The following CCDC149 variants were observed in gnomAD, a reference collection of about 807,000 sequenced individuals.
The protein encoded by CCDC149 is coiled-coil domain containing 149.
Under a neutral mutation model 59.9 loss-of-function variants are expected in CCDC149, and 45 were observed. That is an observed-to-expected ratio of 0.75 (90% CI 0.59 to 0.96). The LOEUF is 0.96. Among genes scored for constraint, CCDC149 ranks in the 40% least tolerant of loss-of-function variants. The pLI, the probability that CCDC149 is intolerant of heterozygous loss-of-function variation, is 0.00. For synonymous variants in CCDC149, 245 were observed against 260.6 expected, an observed-to-expected ratio of 0.94 and a Z score of 0.58; for missense variants, 584 against 664.7, an observed-to-expected ratio of 0.88 and a Z score of 1.33.
intron 1 of CCDC149, among the ~76,000 whole-genome samples, chr4:24,952,700 T>C (rs1407272363): frequency 7.0e-6 from 1 of 142,488 alleles, no homozygotes; most frequent in Non-Finnish European, 1.5e-5. Context: ...ATTTACCCTC[T>C]TAACCATTTT....
intron 3 of CCDC149, among the ~76,000 whole-genome samples, chr4:24,869,963 G>T (rs1718936894): frequency 6.6e-6 from 1 of 152,170 alleles, no homozygotes; most frequent in Non-Finnish European, 1.5e-5. Context: ...GTCCTACACT[G>T]GCCCAGCCAG....
intron 1 of CCDC149, among the ~76,000 whole-genome samples, chr4:24,963,521 C>A (rs1577509489): frequency 6.6e-6 from 1 of 152,144 alleles, no homozygotes; most frequent in East Asian, 1.9e-4. Context: ...TGGTGCAAAG[C>A]AAGGTAGTTG....
At chr4:24,836,907 C>T (rs1295262282) in intron 6 of CCDC149, among the ~76,000 whole-genome samples, 2 of 152,138 alleles carry the variant, frequency 1.3e-5, no homozygotes, top group African/African-American at 4.8e-5. Flanking sequence ...GGGAATTTCT[C>T]AATTCATTTT....
intron 9 of CCDC149, among the ~76,000 whole-genome samples, chr4:24,826,275 A>G (rs1479100222): frequency 1.3e-5 from 2 of 152,186 alleles, no homozygotes; most frequent in African/African-American, 4.8e-5. Context: ...AAGGGTTTTA[A>G]GCAAGGAAGC....
intron 1 of CCDC149, among the ~76,000 whole-genome samples, chr4:24,943,411 C>T (rs1208681633): frequency 1.3e-3 from 197 of 151,462 alleles, no homozygotes; most frequent in African/African-American, 3.8e-3. Flanking sequence ...ATACAAAAAT[C>T]AATTCAAGAT....
In CCDC149 at chr4:24,897,709, G is replaced by A. The variant is rs1034720196; in HGVS notation, c.63+15108C>T. On this transcript the variant is annotated intron_variant, in intron 1 of 12. Coordinates refer to ENST00000635206, the MANE Select transcript of CCDC149 (RefSeq NM_001330643.2). Reference sequence around the variant, plus strand: ...TGCTCTGAAGGCCAGAGAGGGGTATGAATGAAGAGGGGCAGAACAATTTGG... The same window carrying A: ...TGCTCTGAAGGCCAGAGAGGGGTATAAATGAAGAGGGGCAGAACAATTTGG... 5.3e-5 allele frequency among the ~76,000 whole-genome samples: 8 copies of A among 152,330 alleles called. 1 individual carries two copies. Among genetic ancestry groups the A allele is most frequent in the Admixed American group, 5.2e-4 (8 of 15,296 alleles).
chr4:24,963,818 T>C (rs1256064712), intron 1 of CCDC149, among the ~76,000 whole-genome samples: 2 of 152,258 alleles, frequency 1.3e-5, no homozygotes, highest in African/African-American at 4.8e-5. Context: ...AATTACAGTT[T>C]ATCTTGAAAC....
At chr4:24,840,330 T>C (rs1007240436) in intron 4 of CCDC149, among the ~76,000 whole-genome samples, 3 of 152,192 alleles carry the variant, frequency 2.0e-5, no homozygotes, top group Non-Finnish European at 4.4e-5. Context: ...GATGTGCAGA[T>C]GGCTGCACTT....
chr4:24,841,825 G>C (rs963021278), intron 4 of CCDC149, among the ~76,000 whole-genome samples: 7 of 152,130 alleles, frequency 4.6e-5, no homozygotes, highest in Non-Finnish European at 1.0e-4. Flanking sequence ...GAGAGAGTGG[G>C]GTTGAGTTAA....
intron 3 of CCDC149, among the ~76,000 whole-genome samples, chr4:24,863,271 G>A (rs1409370486): frequency 5.9e-5 from 9 of 152,184 alleles, no homozygotes; most frequent in East Asian, 1.9e-4. Context: ...CAGCCTGGGC[G>A]ACAGAGCAAG....
intron 1 of CCDC149, among the ~76,000 whole-genome samples, chr4:24,881,319 C>T (rs1453470884): frequency 6.6e-6 from 1 of 152,210 alleles, no homozygotes; most frequent in East Asian, 1.9e-4. Context: ...AACATGGACC[C>T]TGCTTTGCCC....
chr4:24,903,172 C>G (rs1352561251), intron 1 of CCDC149, among the ~76,000 whole-genome samples: 1 of 151,856 alleles, frequency 6.6e-6, no homozygotes, highest in Non-Finnish European at 1.5e-5. Flanking sequence ...TCTGCCTTTA[C>G]GTCTAAGAAA....
intron 1 of CCDC149, among the ~76,000 whole-genome samples, chr4:24,947,817 A>T (rs1723160478): frequency 6.9e-6 from 1 of 144,442 alleles, no homozygotes; most frequent in Non-Finnish European, 1.5e-5. Context: ...ATGAAAAAAG[A>T]AGGAGGATTT....
rs1220840841 is a variant in CCDC149, at chr4:24,819,923, C to T, written c.1128G>A (p.Arg376=). 6 of 1,551,354 alleles carry T rather than the reference C, an allele frequency of 3.9e-6. No homozygotes were observed. The highest frequency in any genetic ancestry group is 5.2e-6 in the Non-Finnish European group (6 of 1,146,894). ...CAAACTTCAGCAGTGGGGATCTCGACCTCTGTCCACTAGGAAGAGTGGGGT... is the reference window on the plus strand; with the variant it reads ...CAAACTTCAGCAGTGGGGATCTCGATCTCTGTCCACTAGGAAGAGTGGGGT... The change falls in exon 12 of 13, where the codon AGG becomes AGA. Residue 376 remains arginine, a synonymous_variant. Coordinates refer to ENST00000635206, the MANE Select transcript of CCDC149 (RefSeq NM_001330643.2).
chr4:24,839,265 C>T (rs1185173936), intron 4 of CCDC149, among the ~76,000 whole-genome samples: 22 of 151,766 alleles, frequency 1.4e-4, no homozygotes, highest in Non-Finnish European at 2.1e-4. Flanking sequence ...CTGTAAGCTC[C>T]GCCTCCTGGG....
At chr4:24,813,510 AT>A (rs1714792365) in intron 12 of CCDC149, among the ~76,000 whole-genome samples, 1 of 144,280 alleles carries the variant, frequency 6.9e-6, no homozygotes. Flanking sequence ...ATATATATAT[AT>A]ATATATATAT....
At chr4:24,826,786 G>A in intron 9 of CCDC149, among the ~76,000 whole-genome samples, 1 of 152,210 alleles carries the variant, frequency 6.6e-6, no homozygotes, top group Non-Finnish European at 1.5e-5. Flanking sequence ...CAGTAGAGGG[G>A]ATGAAATTCA....
At chr4:24,914,517 A>G (rs943482998), upstream of CCDC149, among the ~76,000 whole-genome samples, 1 of 152,178 alleles carries the variant, frequency 6.6e-6, no homozygotes, top group South Asian at 2.1e-4. Context: ...AGGATTCCCA[A>G]CCAACAGTCA....
chr4:24,822,213 A>T (rs1405866201), intron 10 of CCDC149, among the ~76,000 whole-genome samples: 1 of 152,232 alleles, frequency 6.6e-6, no homozygotes, highest in African/African-American at 2.4e-5. Flanking sequence ...TTAAAAAAAA[A>T]TACAGACACA....
Sources: gnomAD v4.1 joint callset for allele counts (sites outside exome capture counted in the v4.1 genomes callset) on GRCh38, gnomAD v4.1.1 for gene constraint, MANE v1.5 for transcripts, NCBI Gene and HGNC (gene_info 2026-07-23, HGNC 2026-07-21) for gene names.